Variants in APBB2 observed in about 807,000 individuals in gnomAD.
APBB2 encodes Fe65-like 1.
In APBB2, 38 loss-of-function variants were observed where a neutral mutation model predicts 82.5. That is an observed-to-expected ratio of 0.46 (90% CI 0.36 to 0.60). APBB2 has a LOEUF of 0.60. Ranked by LOEUF, APBB2 falls within the 20% of genes least tolerant of loss-of-function variation. The pLI is 0.00. For synonymous variants in APBB2, 341 were observed against 368.2 expected, an observed-to-expected ratio of 0.93 and a Z score of 0.85; for missense variants, 772 against 972.3, an observed-to-expected ratio of 0.79 and a Z score of 2.74.
chr4:41,199,582 T>C (rs1776177995), intron 1 of APBB2, among the ~76,000 whole-genome samples: 1 of 152,232 alleles, frequency 6.6e-6, no homozygotes, highest in South Asian at 2.1e-4. Flanking sequence ...TAATCATTGA[T>C]ATTTTATTTG....
At chr4:40,859,863 C>T (rs1762346197) in intron 12 of APBB2, among the ~76,000 whole-genome samples, 1 of 152,174 alleles carries the variant, frequency 6.6e-6, no homozygotes. Flanking sequence ...AGAGCCTTTG[C>T]ACTGACTGTG....
At chr4:41,201,362 G>T (rs950954722) in intron 1 of APBB2, among the ~76,000 whole-genome samples, 2 of 152,160 alleles carry the variant, frequency 1.3e-5, no homozygotes, top group East Asian at 1.9e-4. Context: ...CCATGTAGTT[G>T]AATAAAAAGC....
At chr4:41,083,935 T>C (rs1738671933) in intron 3 of APBB2, among the ~76,000 whole-genome samples, 1 of 152,136 alleles carries the variant, frequency 6.6e-6, no homozygotes, top group Non-Finnish European at 1.5e-5. Context: ...CTGTGAATCA[T>C]AGCTGCAAAA....
intron 2 of APBB2, among the ~76,000 whole-genome samples, chr4:41,101,161 T>C (rs148106439): frequency 6.6e-6 from 1 of 152,068 alleles, no homozygotes; most frequent in Non-Finnish European, 1.5e-5. Flanking sequence ...AACACAGAAG[T>C]AGTTGTAAAT....
chr4:41,030,270 C>G (rs899324689), intron 5 of APBB2, among the ~76,000 whole-genome samples: 2 of 152,150 alleles, frequency 1.3e-5, no homozygotes, highest in African/African-American at 4.8e-5. Flanking sequence ...AACATAACAC[C>G]TGGCAGATGT....
In APBB2 at chr4:40,858,454, C is replaced by CAAAAAAAAAAAAAAAAAAAAAAAAA. The variant is rs34433911; in HGVS notation, c.1530-27878_1530-27877insTTTTTTTTTTTTTTTTTTTTTTTTT. On this transcript the variant is annotated intron_variant, in intron 12 of 17. Transcript: ENST00000508593. ...TGAGTGACAGAGTGAGAGTCCGTCT[C>CAAAAAAAAAAAAAAAAAAAAAAAAA]AAAAAAAAAAAAAAAAAAAAAAAAG... Among the ~76,000 whole-genome samples, 31 of 57,716 alleles carry CAAAAAAAAAAAAAAAAAAAAAAAAA rather than the reference C, an allele frequency of 5.4e-4. 1 individual carries two copies. The highest frequency in any genetic ancestry group is 8.8e-4 in the African/African-American group (12 of 13,568). The allele number at this position is 57,716 out of a possible 152,430, so 37.9% of individuals were successfully genotyped here.
At chr4:40,897,697 G>T (rs750534708) in intron 10 of APBB2, among the ~76,000 whole-genome samples, 7 of 152,108 alleles carry the variant, frequency 4.6e-5, no homozygotes, top group Non-Finnish European at 1.0e-4. Context: ...GTGTAAGCGG[G>T]ACTAGGCAGC....
chr4:41,049,078 C>A (rs1365923022), intron 4 of APBB2, among the ~76,000 whole-genome samples: 1 of 151,854 alleles, frequency 6.6e-6, no homozygotes, highest in African/African-American at 2.4e-5. Flanking sequence ...CTCTGCCCGG[C>A]CGCCACCCCG....
chr4:41,016,058 A>G (rs1239367666), intron 5 of APBB2, among the ~76,000 whole-genome samples: 2 of 152,216 alleles, frequency 1.3e-5, no homozygotes, highest in African/African-American at 4.8e-5. Flanking sequence ...TGAAACCTAC[A>G]TGAAGTTTTC....
At chr4:40,933,554 G>T (rs532138020) in intron 10 of APBB2, among the ~76,000 whole-genome samples, 1 of 152,120 alleles carries the variant, frequency 6.6e-6, no homozygotes, top group Non-Finnish European at 1.5e-5. Context: ...TCACCACCAC[G>T]CTCCAATCCC....
intron 10 of APBB2, among the ~76,000 whole-genome samples, chr4:40,922,700 TC>T: frequency 6.6e-6 from 1 of 151,996 alleles, no homozygotes; most frequent in Non-Finnish European, 1.5e-5. Flanking sequence ...AACCTCTGCC[TC>T]CCAGGCTCAA....
chr4:41,032,824 G>A (rs1486361740), intron 5 of APBB2, among the ~76,000 whole-genome samples: 15 of 108,294 alleles, frequency 1.4e-4, no homozygotes, highest in Admixed American at 4.6e-4. Flanking sequence ...TCGCTCTGTC[G>A]CCCAGGCTGG....
chr4:40,935,991 G>A (rs1400342432), intron 7 of APBB2, among the ~76,000 whole-genome samples: 1 of 152,100 alleles, frequency 6.6e-6, no homozygotes, highest in Non-Finnish European at 1.5e-5. Context: ...CTAAGATTTG[G>A]GGAAATAAGC....
At chr4:41,067,304 G>C (rs1732244449) in intron 3 of APBB2, among the ~76,000 whole-genome samples, 1 of 152,056 alleles carries the variant, frequency 6.6e-6, no homozygotes, top group South Asian at 2.1e-4. Flanking sequence ...AGCTACTCAG[G>C]AGGCTGAGGC....
intron 8 of APBB2, 171 bp downstream of exon 8, chr4:40,934,906 G>A: frequency 1.5e-6 from 1 of 683,892 alleles, no homozygotes; most frequent in Non-Finnish European, 2.4e-6. Context: ...CATTCACAAT[G>A]GGAGACACCA....
chr4:40,862,696 TA>T (rs1578051414), intron 12 of APBB2, among the ~76,000 whole-genome samples: 1 of 152,084 alleles, frequency 6.6e-6, no homozygotes. Context: ...CTGTGTCTAC[TA>T]AAACTACAAA....
intron 6 of APBB2, among the ~76,000 whole-genome samples, chr4:40,988,204 C>G (rs1339357431): frequency 6.6e-6 from 1 of 152,250 alleles, no homozygotes; most frequent in Non-Finnish European, 1.5e-5. Flanking sequence ...ATCCCAACAG[C>G]ACCAGATCCA....
At chr4:40,860,757 T>C (rs1269999347) in intron 12 of APBB2, among the ~76,000 whole-genome samples, 1 of 152,208 alleles carries the variant, frequency 6.6e-6, no homozygotes, top group Non-Finnish European at 1.5e-5. Flanking sequence ...ACATCCACTA[T>C]TGATTAAATT....
chr4:41,164,605 T>C (rs1174761739), intron 1 of APBB2, among the ~76,000 whole-genome samples: 1 of 151,274 alleles, frequency 6.6e-6, no homozygotes, highest in Non-Finnish European at 1.5e-5. Flanking sequence ...TAAGTCCCTT[T>C]GAAAAACAAA....
Sources: allele counts gnomAD v4.1 joint callset (sites outside exome capture counted in the v4.1 genomes callset), GRCh38; gene constraint gnomAD v4.1.1; transcripts MANE v1.5; gene names NCBI Gene and HGNC (gene_info 2026-07-23, HGNC 2026-07-21).